PTPRR: variants seen among roughly 807,000 people sequenced by gnomAD.
PTPRR encodes protein tyrosine phosphatase receptor type R, also known as receptor-type tyrosine-protein phosphatase R.
A neutral mutation model predicts 77.2 loss-of-function variants in PTPRR; 38 were observed. That is an observed-to-expected ratio of 0.49 (90% confidence interval 0.38 to 0.65). PTPRR has a LOEUF of 0.65. Ranked by LOEUF, PTPRR falls within the 30% of genes least tolerant of loss-of-function variation. The probability of loss-of-function intolerance (pLI) is 0.00; values close to 1 mark genes in which losing one functional copy is unlikely to be tolerated. For missense variants in PTPRR, 744 were observed against 799.2 expected (o/e 0.93, Z 0.83); for synonymous variants, 299 against 283.1 (o/e 1.06, Z -0.57).
chr12:70,729,625 C>A (rs904988738), intron 6 of PTPRR, among the ~76,000 whole-genome samples: 1 of 152,070 alleles, frequency 6.6e-6, no homozygotes, highest in Non-Finnish European at 1.5e-5. Flanking sequence ...TATAACTATG[C>A]CCACCATAAC....
chr12:70,829,161 G>C (rs1042081472), intron 2 of PTPRR, among the ~76,000 whole-genome samples: 4 of 151,644 alleles, frequency 2.6e-5, no homozygotes, highest in East Asian at 1.9e-4. Context: ...TCAGTGTCTA[G>C]AACAGTGGCA....
At chr12:70,773,886 C>CTTGAAGCCAA (rs1891035170) in intron 2 of PTPRR, among the ~76,000 whole-genome samples, 2 of 152,146 alleles carry the variant, frequency 1.3e-5, no homozygotes, top group Non-Finnish European at 2.9e-5. Flanking sequence ...GAAAGTAAGA[C>CTTGAAGCCAA]TTGAAGCCAA....
chr12:70,765,083 G>A (rs1475055036), intron 2 of PTPRR, among the ~76,000 whole-genome samples: 1 of 152,210 alleles, frequency 6.6e-6, no homozygotes, highest in Non-Finnish European at 1.5e-5. Flanking sequence ...TGTGAGTGAT[G>A]CAGAAGATGG....
chr12:70,680,699 G>A (rs1056573318), intron 10 of PTPRR, among the ~76,000 whole-genome samples: 4 of 152,098 alleles, frequency 2.6e-5, no homozygotes, highest in Non-Finnish European at 5.9e-5. Context: ...GATTCTCTGG[G>A]GGCAGTGTAC....
intron 2 of PTPRR, among the ~76,000 whole-genome samples, chr12:70,882,206 C>T (rs959374764): frequency 6.6e-6 from 1 of 152,204 alleles, no homozygotes; most frequent in African/African-American, 2.4e-5. Flanking sequence ...ATCTCCAAAT[C>T]TAGAAGCTTT....
At chr12:70,855,651 T>C (rs890751727) in intron 2 of PTPRR, among the ~76,000 whole-genome samples, 45 of 152,302 alleles carry the variant, frequency 3.0e-4, no homozygotes, top group Admixed American at 2.6e-3. Flanking sequence ...ATGCCATATA[T>C]AAAAAGATGA....
At chr12:70,851,360 A>G (rs1204205604) in intron 2 of PTPRR, among the ~76,000 whole-genome samples, 1 of 152,166 alleles carries the variant, frequency 6.6e-6, no homozygotes, top group East Asian at 1.9e-4. Flanking sequence ...TAAAAGACAA[A>G]CCAAGAGATG....
intron 6 of PTPRR, 127 bp from the exon 7 acceptor site, chr12:70,701,450 C>G (rs2136783940): frequency 1.2e-6 from 1 of 805,494 alleles, no homozygotes; most frequent in Non-Finnish European, 1.9e-6. Context: ...TATATTTTCT[C>G]TTTTAGTATC....
At chr12:70,642,142 G>C (rs951889019) in intron 13 of PTPRR, among the ~76,000 whole-genome samples, 3 of 152,042 alleles carry the variant, frequency 2.0e-5, no homozygotes, top group African/African-American at 7.2e-5. Context: ...AGGTGCATCA[G>C]GTGGTGAGGT....
chr12:70,725,960 T>C (rs1889418877), intron 6 of PTPRR, among the ~76,000 whole-genome samples: 1 of 152,068 alleles, frequency 6.6e-6, no homozygotes, highest in Admixed American at 6.5e-5. Flanking sequence ...GAACCCTAAA[T>C]AGTAAAATCA....
intron 8 of PTPRR, among the ~76,000 whole-genome samples, chr12:70,697,327 A>T (rs895314180): frequency 2.6e-5 from 4 of 152,128 alleles, no homozygotes; most frequent in African/African-American, 7.2e-5. Context: ...GTGATGTTAA[A>T]CATCTTTTAA....
At chr12:70,676,859 CT>C (rs60254808) in intron 10 of PTPRR, among the ~76,000 whole-genome samples, 275 of 139,642 alleles carry the variant, frequency 2.0e-3, no homozygotes, top group Non-Finnish European at 2.6e-3. Context: ...ATGCCTCCAG[CT>C]TTTTTTTTTT....
intron 10 of PTPRR, chr12:70,672,080 C>T (rs1452605839): frequency 2.2e-6 from 3 of 1,358,228 alleles, no homozygotes; most frequent in Admixed American, 1.7e-5. Context: ...GGTTATCAAC[C>T]TCAATGCCTT....
intron 1 of PTPRR, among the ~76,000 whole-genome samples, chr12:70,901,102 A>T (rs1192736680): frequency 6.6e-6 from 1 of 151,560 alleles, no homozygotes; most frequent in African/African-American, 2.4e-5. Context: ...TCATGTTGGT[A>T]TGCAAAAAGT....
chr12:70,764,245 C>T (rs1352069320), intron 3 of PTPRR, among the ~76,000 whole-genome samples: 1 of 151,906 alleles, frequency 6.6e-6, no homozygotes, highest in Admixed American at 6.6e-5. Context: ...GAAAGTATAT[C>T]AATAATGTCT....
intron 10 of PTPRR, among the ~76,000 whole-genome samples, chr12:70,665,056 G>T (rs532649595): frequency 4.6e-5 from 7 of 152,296 alleles, no homozygotes; most frequent in African/African-American, 1.7e-4. Flanking sequence ...GAAGAAAAAT[G>T]CTGCCTTACA....
At chr12:70,704,305 C>A (rs538771967) in intron 6 of PTPRR, among the ~76,000 whole-genome samples, 1 of 151,940 alleles carries the variant, frequency 6.6e-6, no homozygotes, top group Non-Finnish European at 1.5e-5. Context: ...GTAGTCTCAG[C>A]TATTCGGGAG....
chr12:70,757,380 T>C (rs916142172), intron 4 of PTPRR, among the ~76,000 whole-genome samples: 1 of 152,226 alleles, frequency 6.6e-6, no homozygotes, highest in Admixed American at 6.5e-5. Flanking sequence ...ACCGTTTTAA[T>C]AGGTATTTAA....
intron 10 of PTPRR, among the ~76,000 whole-genome samples, chr12:70,668,987 C>A (rs893082856): frequency 4.6e-5 from 7 of 152,034 alleles, no homozygotes; most frequent in Non-Finnish European, 1.0e-4. Flanking sequence ...AAATTGGAAA[C>A]AATTTAAGTA....
Sources: gnomAD v4.1 joint callset for allele counts (sites outside exome capture counted in the v4.1 genomes callset) on GRCh38, gnomAD v4.1.1 for gene constraint, MANE v1.5 for transcripts, NCBI Gene and HGNC (gene_info 2026-07-23, HGNC 2026-07-21) for gene names.